CDH13: variants seen among roughly 807,000 people sequenced by gnomAD.
CDH13 encodes the protein cadherin 13, also known as cadherin-13.
CDH13 carries 24 observed loss-of-function variants against 63.8 expected under a neutral mutation model. The observed-to-expected ratio is 0.38, with a 90% confidence interval of 0.27 to 0.53. CDH13 has a LOEUF of 0.53. Ranked by LOEUF, CDH13 falls within the 20% of genes least tolerant of loss-of-function variation. CDH13 has a pLI of 0.85. For synonymous variants in CDH13, 503 were observed against 355.3 expected, an observed-to-expected ratio of 1.42 and a Z score of -4.67; for missense variants, 1,049 against 903.1, an observed-to-expected ratio of 1.16 and a Z score of -2.07.
intron 4 of CDH13, among the ~76,000 whole-genome samples, chr16:83,201,733 T>TA (rs959135155): frequency 0.017 from 2,346 of 138,920 alleles, 50 homozygotes; most frequent in African/African-American, 0.056. Context: ...CCGTCTCTAA[T>TA]AAAAAAAAAT....
rs764856705 is a variant in CDH13, at chr16:83,236,934, A to C, written c.636+19437A>C. 1.0e-3 allele frequency among the ~76,000 whole-genome samples: 155 copies of C among 152,198 alleles called. 1 individual carries two copies. Among genetic ancestry groups the C allele is most frequent in the Middle Eastern group, 3.4e-3 (1 of 294 alleles). ...TGAGTACACTAAACATGACTTTAAA[A>C]ATGTTTCATATGTGAGTTTCACCTC... is the stretch of plus-strand genomic sequence containing the variant. On this transcript the variant is annotated intron_variant, in intron 5 of 13. Coordinates refer to ENST00000567109, the MANE Select transcript of CDH13 (RefSeq NM_001257.5).
intron 4 of CDH13, among the ~76,000 whole-genome samples, chr16:83,152,909 AG>A (rs1276566408): frequency 3.9e-5 from 6 of 152,214 alleles, no homozygotes; most frequent in African/African-American, 1.4e-4. Flanking sequence ...ACGCCCACAA[AG>A]AAAGAACACT....
chr16:82,898,497 C>G lies in CDH13; in HGVS notation c.157+40024C>G, dbSNP rs181323777. ...CCAAGATCTCGCCACTGCCCTACAG[C>G]TTGGGAGACAGATTGAGACTCCATC... On this transcript the variant is annotated intron_variant, in intron 2 of 13. Transcript: ENST00000567109. Among the ~76,000 whole-genome samples the G allele has an allele frequency of 2.2e-4, 33 of 152,328 alleles. 1 individual carries two copies. Among genetic ancestry groups the G allele is most frequent in the Admixed American group, 1.6e-3 (24 of 15,302 alleles).
intron 11 of CDH13, among the ~76,000 whole-genome samples, chr16:83,775,012 C>A (rs1193802526): frequency 6.6e-6 from 1 of 151,840 alleles, no homozygotes; most frequent in Non-Finnish European, 1.5e-5. Context: ...ATAATAATAA[C>A]CTGGAATTAT....
intron 7 of CDH13, among the ~76,000 whole-genome samples, chr16:83,571,793 C>G (rs1017328266): frequency 2.6e-5 from 4 of 152,142 alleles, no homozygotes; most frequent in Non-Finnish European, 5.9e-5. Flanking sequence ...TGTGGTTTGT[C>G]TCAATTCTAT....
chr16:83,785,961 T>C (rs1915852853), intron 13 of CDH13, among the ~76,000 whole-genome samples: 1 of 152,066 alleles, frequency 6.6e-6, no homozygotes, highest in South Asian at 2.1e-4. Flanking sequence ...GTTCCTTCGG[T>C]TCACAACTCA....
intron 6 of CDH13, among the ~76,000 whole-genome samples, chr16:83,410,760 A>G (rs1009341758): frequency 6.6e-6 from 1 of 152,170 alleles, no homozygotes; most frequent in African/African-American, 2.4e-5. Context: ...TGTTCAAGTA[A>G]CTGAGTCGTT....
At chr16:82,677,444 G>GC (rs1914057727) in intron 1 of CDH13, among the ~76,000 whole-genome samples, 1 of 75,362 alleles carries the variant, frequency 1.3e-5, no homozygotes, top group South Asian at 6.1e-4. Context: ...GGACTCTTCT[G>GC]CCTTTTTTTT....
chr16:83,060,124 A>G (rs983780923), intron 3 of CDH13, among the ~76,000 whole-genome samples: 2 of 152,058 alleles, frequency 1.3e-5, no homozygotes, highest in African/African-American at 2.4e-5. Flanking sequence ...CAAAAGCTCT[A>G]TGGCTTCAAA....
chr16:83,424,156 A>T (rs1002867405), intron 6 of CDH13, among the ~76,000 whole-genome samples: 1 of 151,858 alleles, frequency 6.6e-6, no homozygotes, highest in Non-Finnish European at 1.5e-5. Context: ...CATGGACTGA[A>T]AAGTCTAGAA....
intron 11 of CDH13, among the ~76,000 whole-genome samples, chr16:83,778,723 C>T (rs757962793): frequency 6.6e-6 from 1 of 152,186 alleles, no homozygotes; most frequent in Non-Finnish European, 1.5e-5. Flanking sequence ...GATCTCATTT[C>T]TCATCACTAA....
intron 3 of CDH13, among the ~76,000 whole-genome samples, chr16:83,114,562 A>G (rs546209181): frequency 5.9e-5 from 9 of 152,342 alleles, no homozygotes; most frequent in African/African-American, 2.2e-4. Flanking sequence ...TAATTTCTAT[A>G]TCACCACATT....
rs929602176 is a variant in CDH13, at chr16:82,917,237, G to A, written c.157+58764G>A. On this transcript the variant is annotated intron_variant, in intron 2 of 13. Coordinates refer to ENST00000567109, the MANE Select transcript of CDH13 (RefSeq NM_001257.5). ...CTAGCAGGTCCTGTGGAGCCGATGG[G>A]GCAGTGCAAAAGCCTGACCATGCTG... Among the ~76,000 whole-genome samples the A allele has an allele frequency of 2.0e-5, 3 of 152,192 alleles. No individual in the cohort carries two copies. The East Asian group carries it at 5.8e-4, about 29-fold the overall frequency.
intron 3 of CDH13, among the ~76,000 whole-genome samples, chr16:83,077,618 G>T (rs958386692): frequency 6.6e-6 from 1 of 152,080 alleles, no homozygotes; most frequent in African/African-American, 2.4e-5. Context: ...CCTATTGATG[G>T]ATGTCTGAGT....
chr16:83,566,448 A>G (rs1185328327), intron 7 of CDH13, among the ~76,000 whole-genome samples: 1 of 151,804 alleles, frequency 6.6e-6, no homozygotes, highest in Non-Finnish European at 1.5e-5. Context: ...AAACCGAAAC[A>G]CCCTTCCAGC....
intron 3 of CDH13, among the ~76,000 whole-genome samples, chr16:83,090,786 A>C (rs2151582041): frequency 6.6e-6 from 1 of 152,274 alleles, no homozygotes; most frequent in Middle Eastern, 3.4e-3. Context: ...TTTATAGACC[A>C]GACTTCAGCA....
chr16:83,581,350 T>G (rs181757175), intron 7 of CDH13, among the ~76,000 whole-genome samples: 3 of 152,212 alleles, frequency 2.0e-5, no homozygotes, highest in African/African-American at 7.2e-5. Context: ...AAGGGTGACT[T>G]TCAGTGGTTA....
intron 6 of CDH13, among the ~76,000 whole-genome samples, chr16:83,479,810 A>C (rs1409759774): frequency 6.6e-6 from 1 of 152,246 alleles, no homozygotes. Flanking sequence ...CAGATGTATT[A>C]GATATTACAA....
chr16:83,515,783 C>T (rs749793530), intron 7 of CDH13, among the ~76,000 whole-genome samples: 5 of 152,144 alleles, frequency 3.3e-5, no homozygotes, highest in African/African-American at 1.2e-4. Context: ...CCAAGCAAAG[C>T]GTTCATTTTG....
Sources: gnomAD v4.1 joint callset for allele counts (sites outside exome capture counted in the v4.1 genomes callset) on GRCh38, gnomAD v4.1.1 for gene constraint, MANE v1.5 for transcripts, NCBI Gene and HGNC (gene_info 2026-07-23, HGNC 2026-07-21) for gene names.